The following JARID2 variants were observed in gnomAD, a reference collection of about 807,000 sequenced individuals.
JARID2 encodes the protein protein Jumonji.
Under a neutral mutation model 125.6 loss-of-function variants are expected in JARID2, and 21 were observed. That is an observed-to-expected ratio of 0.17 (90% CI 0.12 to 0.24). The LOEUF (loss-of-function observed/expected upper bound fraction) is 0.24. JARID2 is among the 10% of genes least tolerant of loss of function. The probability of loss-of-function intolerance (pLI) is 1.00; values close to 1 mark genes in which losing one functional copy is unlikely to be tolerated. For missense variants in JARID2, 1,303 were observed against 1,639.6 expected (o/e 0.79, Z 3.55); for synonymous variants, 736 against 661.6 (o/e 1.11, Z -1.73).
chr6:15,371,907 C>T (rs1309960669), intron 1 of JARID2, among the ~76,000 whole-genome samples: 1 of 152,168 alleles, frequency 6.6e-6, no homozygotes, highest in East Asian at 1.9e-4. Flanking sequence ...CACTGCCCAG[C>T]AGTCGGAAAT....
chr6:15,496,974 G>T lies in JARID2; in HGVS notation c.1749G>T (p.Lys583Asn), dbSNP rs1770476064. 6.2e-7 allele frequency: 1 copy of T among 1,613,790 alleles called. No homozygotes were observed. Among genetic ancestry groups the T allele is most frequent in the Non-Finnish European group, 8.5e-7 (1 of 1,179,768 alleles). The change falls in exon 7 of 18, where the codon AAG becomes AAT. Residue 583 changes from lysine to asparagine, a missense_variant. Transcript: ENST00000341776. The part of the protein sequence containing the change: ...YIESVRAQVE[K>N]FGMCRVIPPP... ...AGTCGGTCCGCGCTCAGGTGGAGAA[G>T]TTCGGGATGTGCAGGGTGATCCCCC...
At chr6:15,296,816 CCT>C (rs1351635288) in intron 1 of JARID2, among the ~76,000 whole-genome samples, 5 of 152,198 alleles carry the variant, frequency 3.3e-5, no homozygotes, top group Non-Finnish European at 5.9e-5. Flanking sequence ...TTCCCAGCCC[CCT>C]GTCTTGATCA....
chr6:15,461,809 G>A (rs1208801412), intron 4 of JARID2, among the ~76,000 whole-genome samples: 1 of 152,014 alleles, frequency 6.6e-6, no homozygotes, highest in East Asian at 1.9e-4. Flanking sequence ...CTCATGGCAA[G>A]TAAGCATCTC....
intron 2 of JARID2, among the ~76,000 whole-genome samples, chr6:15,381,513 C>G (rs1480076689): frequency 6.6e-6 from 1 of 152,112 alleles, no homozygotes; most frequent in Admixed American, 6.6e-5. Flanking sequence ...CTCCTGTTTC[C>G]CCTGATGTGA....
chr6:15,352,573 C>CT (rs1763466660), intron 1 of JARID2, among the ~76,000 whole-genome samples: 1 of 152,126 alleles, frequency 6.6e-6, no homozygotes, highest in African/African-American at 2.4e-5. Flanking sequence ...CTTGCAGATC[C>CT]TTTTCCTGTG....
At chr6:15,439,448 G>A (rs1403577172) in intron 3 of JARID2, among the ~76,000 whole-genome samples, 1 of 152,132 alleles carries the variant, frequency 6.6e-6, no homozygotes, top group Non-Finnish European at 1.5e-5. Flanking sequence ...TGAACAGATA[G>A]TGAGGCTTTG....
At chr6:15,315,511 C>T (rs1762149725) in intron 1 of JARID2, among the ~76,000 whole-genome samples, 1 of 152,212 alleles carries the variant, frequency 6.6e-6, no homozygotes, top group African/African-American at 2.4e-5. Flanking sequence ...GGGTCAAGTG[C>T]TCAGTCTGCC....
At chr6:15,249,195 G>C (rs1173933270) in intron 1 of JARID2, among the ~76,000 whole-genome samples, 2 of 152,248 alleles carry the variant, frequency 1.3e-5, no homozygotes, top group Non-Finnish European at 2.9e-5. Flanking sequence ...CTTTGTTGGA[G>C]GACCGCGTTG....
chr6:15,308,417 A>G (rs953311138), intron 1 of JARID2, among the ~76,000 whole-genome samples: 4 of 152,120 alleles, frequency 2.6e-5, no homozygotes, highest in African/African-American at 4.8e-5. Context: ...ATTTCCCTCA[A>G]CTCAGCCTCT....
At chr6:15,327,627 A>G (rs1762577030) in intron 1 of JARID2, among the ~76,000 whole-genome samples, 1 of 152,008 alleles carries the variant, frequency 6.6e-6, no homozygotes, top group African/African-American at 2.4e-5. Flanking sequence ...AGAGAGGACT[A>G]AGAATGAGGG....
intron 5 of JARID2, among the ~76,000 whole-genome samples, chr6:15,469,339 G>GTCTCTC (rs146456388): frequency 2.1e-4 from 3 of 14,232 alleles, no homozygotes; most frequent in Non-Finnish European, 3.4e-4. Flanking sequence ...TCTCTCTCCT[G>GTCTCTC]TCTCTCTCTC....
chr6:15,471,843 AT>A (rs1769091635), intron 5 of JARID2, among the ~76,000 whole-genome samples: 2 of 152,188 alleles, frequency 1.3e-5, no homozygotes, highest in Admixed American at 6.5e-5. Context: ...AAAGGAGGGC[AT>A]AATGATTCTA....
At chr6:15,385,269 A>G (rs1764741685) in intron 2 of JARID2, among the ~76,000 whole-genome samples, 1 of 151,840 alleles carries the variant, frequency 6.6e-6, no homozygotes, top group Non-Finnish European at 1.5e-5. Flanking sequence ...TATCTATGTG[A>G]CTTGATCTCT....
intron 5 of JARID2, among the ~76,000 whole-genome samples, chr6:15,474,361 A>T (rs1415179011): frequency 6.6e-6 from 1 of 152,094 alleles, no homozygotes; most frequent in African/African-American, 2.4e-5. Context: ...CTGTAATGCC[A>T]TGTTGCTCAA....
chr6:15,278,972 G>A (rs1760648543), intron 1 of JARID2, among the ~76,000 whole-genome samples: 1 of 151,940 alleles, frequency 6.6e-6, no homozygotes, highest in Non-Finnish European at 1.5e-5. Context: ...GTTGAGGCAT[G>A]AGAATCTCAA....
chr6:15,498,799 G>A lies in JARID2; in HGVS notation c.1945+1629G>A, dbSNP rs150008338. ...GTGATAGGAAGCAGTGCAGGGAGCA[G>A]GCTCTGCACACGCGTGCACCCACGC... On this transcript the variant is annotated intron_variant, in intron 7 of 17. Transcript: ENST00000341776. 1.8e-3 allele frequency among the ~76,000 whole-genome samples: 281 copies of A among 152,346 alleles called. 3 individuals are homozygous for A. In the Middle Eastern group the frequency reaches 0.024, roughly 13 times the overall value.
chr6:15,350,008 C>T (rs1339895687), intron 1 of JARID2, among the ~76,000 whole-genome samples: 2 of 152,076 alleles, frequency 1.3e-5, no homozygotes, highest in Admixed American at 1.3e-4. Flanking sequence ...GGAAAGTTAA[C>T]AGAGATGGGT....
Position 15,496,656 on chromosome 6 carries a change from G to T in JARID2, c.1431G>T (p.Glu477Asp). ...GCCCTGGCAAGAAGGCCCCGGCCGA[G>T]AGAGGTCTGCTGAACGGACACGTGA... ...AEGPGKKAPA[E>D]RGLLNGHVKK... The change falls in exon 7 of 18, where the codon GAG becomes GAT. Residue 477 changes from glutamate (E) to aspartate (D), a missense_variant. By Grantham distance (45) the Glu-to-Asp change is conservative (BLOSUM62 2). Coordinates refer to ENST00000341776, the MANE Select transcript of JARID2 (RefSeq NM_004973.4). 1 of 1,612,534 alleles carries T rather than the reference G, an allele frequency of 6.2e-7. No individual in the cohort carries two copies. Among genetic ancestry groups the T allele is most frequent in the Non-Finnish European group, 8.5e-7 (1 of 1,179,838 alleles).
intron 1 of JARID2, among the ~76,000 whole-genome samples, chr6:15,313,619 G>T (rs895503635): frequency 3.3e-5 from 5 of 152,160 alleles, no homozygotes; most frequent in African/African-American, 1.2e-4. Context: ...TTTGCAGTGT[G>T]CCGTACAGAT....
Sources: allele counts gnomAD v4.1 joint callset (sites outside exome capture counted in the v4.1 genomes callset), GRCh38; gene constraint gnomAD v4.1.1; transcripts MANE v1.5; gene names NCBI Gene and HGNC (gene_info 2026-07-23, HGNC 2026-07-21).